The following BRF1 variants were observed in gnomAD, a reference collection of about 807,000 sequenced individuals.
BRF1 encodes transcription factor IIIB 90 kDa subunit.
In BRF1, 59 loss-of-function variants were observed where a neutral mutation model predicts 81.7. That is an observed-to-expected ratio of 0.72 (90% CI 0.59 to 0.90). The LOEUF (loss-of-function observed/expected upper bound fraction) is 0.90, where lower values mean the gene tolerates loss of function less well. BRF1 is among the 40% of genes least tolerant of loss of function. The pLI is 0.00. For missense variants in BRF1, 1,050 were observed against 936.3 expected, an observed-to-expected ratio of 1.12 and a Z score of -1.58; for synonymous variants, 491 against 395.6, an observed-to-expected ratio of 1.24 and a Z score of -2.86.
At chr14:105,229,564 G>C (rs771702065) in intron 6 of BRF1, among the ~76,000 whole-genome samples, 4 of 152,218 alleles carry the variant, frequency 2.6e-5, no homozygotes, top group East Asian at 1.9e-4. Context: ...CCAGCACCAA[G>C]GGCAAAGTGA....
chr14:105,218,314 C>G (rs587697302), intron 14 of BRF1, among the ~76,000 whole-genome samples: 3 of 152,276 alleles, frequency 2.0e-5, no homozygotes, highest in Admixed American at 6.5e-5. Flanking sequence ...ACCCCTGCTG[C>G]CCCCCGCTGC....
Position 105,300,656 on chromosome 14 carries a change from G to GAGCCTCCCA in BRF1, c.-36_-28dup. The GAGCCTCCCA allele has an allele frequency of 7.4e-7, 1 of 1,344,194 alleles. No homozygotes were observed. The highest frequency in any genetic ancestry group is 9.4e-7 in the Non-Finnish European group (1 of 1,058,542). The allele number at this position is 1,344,194 out of a possible 1,614,324, so 83.3% of individuals were successfully genotyped here. A position where few individuals can be genotyped will look rare whatever the true frequency, so the allele number is the denominator to read the frequency against. On this transcript the variant is annotated 5_prime_UTR_variant, in exon 1 of 18. Transcript: ENST00000547530. ...CCGGCGACCGCGCGGGCAGCGCCCG[G>GAGCCTCCCA]AGCCTCCCAAGACTCTCAAGCCACC...
chr14:105,211,508 G>C, intron 16 of BRF1: 2 of 555,430 alleles, frequency 3.6e-6, no homozygotes, highest in Non-Finnish European at 6.3e-6. Flanking sequence ...CCACCCTCAG[G>C]CCTCTGCCAG....
At position 105,255,280 on chromosome 14, in the gene BRF1, T is replaced by C. The variant is rs56816642; in HGVS notation, c.471+1238A>G. Among the ~76,000 whole-genome samples the C allele has an allele frequency of 2.1e-3, 326 of 152,346 alleles. 2 individuals carry two copies. The highest frequency in any genetic ancestry group is 4.6e-3 in the South Asian group (22 of 4,830). ...TGCACTGAGCAGAGAGCATCTGAAA[T>C]GTGGACTTGCTGGATTATCACAATT... On this transcript the variant is annotated intron_variant, in intron 4 of 17. Transcript: ENST00000547530.
At chr14:105,217,106 T>TCTCCACCCACATC (rs1431652025) in intron 15 of BRF1, 2 of 208,402 alleles carry the variant, frequency 9.6e-6, no homozygotes, top group African/African-American at 4.6e-5. Context: ...TCAGCCACGT[T>TCTCCACCCACATC]CTCCACCCAC....
rs149056635 is a variant in BRF1, at chr14:105,247,386, G to A, written c.544+5121C>T. 5 of 985,490 alleles carry A rather than the reference G, an allele frequency of 5.1e-6. No individual in the cohort carries two copies. In the African/African-American group the frequency reaches 8.7e-5, roughly 17 times the overall value. 61.0% of individuals were successfully genotyped at this position (985,490 alleles called of 1,614,324 possible). On this transcript the variant is annotated intron_variant, in intron 5 of 17. Transcript: ENST00000547530. ...GGGCTCGGGCACCCCATTCCTGGGA[G>A]AAATGATGATTTGTGCACTCTGGGC... is the stretch of plus-strand genomic sequence containing the variant.
intron 5 of BRF1, among the ~76,000 whole-genome samples, chr14:105,245,701 C>T (rs775000107): frequency 3.3e-5 from 5 of 152,064 alleles, no homozygotes; most frequent in African/African-American, 9.7e-5. Flanking sequence ...CAATATGCAG[C>T]GCTGGGAAAA....
At chr14:105,217,022 G>A (rs994621051) in intron 15 of BRF1, among the ~76,000 whole-genome samples, 4 of 152,232 alleles carry the variant, frequency 2.6e-5, no homozygotes, top group East Asian at 3.8e-4. Flanking sequence ...CCCACTCCAA[G>A]GCGGCCCTGC....
At chr14:105,248,576 G>GGCGAGCGA (rs1386738404) in intron 5 of BRF1, 2 of 913,498 alleles carry the variant, frequency 2.2e-6, no homozygotes, top group Admixed American at 6.5e-5. Flanking sequence ...GGCTCGGGCG[G>GGCGAGCGA]GCGGGCGGGC....
At chr14:105,307,144 A>G (rs1458389965) in intron 1 of BRF1, among the ~76,000 whole-genome samples, 1 of 151,556 alleles carries the variant, frequency 6.6e-6, no homozygotes, top group Non-Finnish European at 1.5e-5. Flanking sequence ...TGCTGGGCTC[A>G]AGAGATCCTT....
intron 1 of BRF1, among the ~76,000 whole-genome samples, chr14:105,307,602 C>T (rs996506466): frequency 6.6e-6 from 1 of 152,184 alleles, no homozygotes; most frequent in Non-Finnish European, 1.5e-5. Context: ...TACTCAATAG[C>T]CCTGTCCCCC....
rs1052542927 is a variant in BRF1, at chr14:105,271,621, G to A, written c.439+1100C>T. On this transcript the variant is annotated intron_variant, in intron 3 of 17. Transcript: ENST00000547530. This position sits in a 1 kb window ranked among gnomAD's most constrained non-coding sequence, Gnocchi z 5.5. ...AGTCCCCAGAGAGCAGGGAAAAGAT[G>A]CAGGTGCACAGCAGGTGTGGACAGC... 6.6e-6 allele frequency among the ~76,000 whole-genome samples: 1 copy of A among 152,246 alleles called. No homozygotes were observed. The highest frequency in any genetic ancestry group is 2.4e-5 in the African/African-American group (1 of 41,474).
rs587640821 is a variant in BRF1, at chr14:105,211,161, C to T, written c.1957G>A (p.Glu653Lys). The change falls in exon 17 of 18, where the codon GAG becomes AAG. Residue 653 changes from glutamate to lysine, a missense_variant. This residue lies in a region of BRF1 where 1,043 missense variants were observed against 915.4 expected (regional missense o/e 1.14). Transcript: ENST00000547530. ...ATCTGCAGGGCACTGACGCAGGGCT[C>T]CCCGTCCTCCTCGTCAGGCTCCTCC... Reference protein sequence around the residue: ...DEEEPDEEDGEPCVSALQMMG... With the variant: ...DEEEPDEEDGKPCVSALQMMG... The T allele has an allele frequency of 6.2e-7, 1 of 1,612,630 alleles. No homozygotes were observed. The highest frequency in any genetic ancestry group is 2.2e-5 in the East Asian group (1 of 44,862).
intron 1 of BRF1, among the ~76,000 whole-genome samples, chr14:105,298,578 G>C (rs587675193): frequency 6.6e-6 from 1 of 152,228 alleles, no homozygotes; most frequent in Non-Finnish European, 1.5e-5. Flanking sequence ...ATTTAGGCCA[G>C]GTGCGGTGGC....
intron 5 of BRF1, 91 bp from the exon 6 acceptor site, chr14:105,241,505 A>G (rs918161402): frequency 2.6e-6 from 4 of 1,537,684 alleles, no homozygotes; most frequent in Non-Finnish European, 3.5e-6. Flanking sequence ...GGCAACCTGC[A>G]CTTGTCTTTC....
chr14:105,211,354 C>A (rs1444111979), intron 16 of BRF1, 61 bp from the exon 17 acceptor site: 40 of 1,423,058 alleles, frequency 2.8e-5, no homozygotes, highest in Non-Finnish European at 3.5e-5. Context: ...CTCAACAGAC[C>A]CCTCAGACCC....
At chr14:105,219,789 T>G (rs2141461122) in intron 12 of BRF1, 3 of 530,288 alleles carry the variant, frequency 5.7e-6, no homozygotes, top group Non-Finnish European at 3.4e-6. Context: ...CCTGGTGCTA[T>G]TTGTGCGATG....
At chr14:105,242,958 T>C (rs912607508) in intron 5 of BRF1, among the ~76,000 whole-genome samples, 1 of 144,680 alleles carries the variant, frequency 6.9e-6, no homozygotes, top group Non-Finnish European at 1.5e-5. Context: ...TCAACTAAAA[T>C]ACAAAAAATG....
At chr14:105,226,539 G>A (rs1893128237) in intron 8 of BRF1, 95 bp downstream of exon 8, 3 of 1,578,394 alleles carry the variant, frequency 1.9e-6, no homozygotes, top group Non-Finnish European at 2.6e-6. Flanking sequence ...GAGGCTTTGG[G>A]ATGGCACCAG....
Sources: allele counts gnomAD v4.1 joint callset (sites outside exome capture counted in the v4.1 genomes callset), GRCh38; gene constraint gnomAD v4.1.1; regional missense constraint gnomAD v4.1.1; non-coding constraint Gnocchi (gnomAD v3.1); transcripts MANE v1.5; gene names NCBI Gene and HGNC (gene_info 2026-07-23, HGNC 2026-07-21).